MMP16: variants seen among roughly 807,000 people sequenced by gnomAD.
MMP16 encodes matrix metallopeptidase 16.
Under a neutral mutation model 67.8 loss-of-function variants are expected in MMP16, and 12 were observed. The observed-to-expected ratio is 0.18, with a 90% CI of 0.11 to 0.29. MMP16 has a LOEUF of 0.29. MMP16 is among the 10% of genes least tolerant of loss of function. The pLI, the probability that MMP16 is intolerant of heterozygous loss-of-function variation, is 1.00. For missense variants in MMP16, 475 were observed against 765.7 expected, an observed-to-expected ratio of 0.62 and a Z score of 4.48; for synonymous variants, 249 against 255.9, an observed-to-expected ratio of 0.97 and a Z score of 0.26.
intron 4 of MMP16, among the ~76,000 whole-genome samples, chr8:88,132,024 T>C (rs781189533): frequency 1.3e-5 from 2 of 151,854 alleles, no homozygotes; most frequent in African/African-American, 2.4e-5. Flanking sequence ...TGAAATTGCT[T>C]TGACTATTTT....
chr8:88,036,356 AGTTT>A lies in MMP16; in HGVS notation c.*5101_*5104del, dbSNP rs1808054068. The A allele has an allele frequency of 6.6e-6, 1 of 151,842 alleles. No individual in the cohort carries two copies. Among genetic ancestry groups the A allele is most frequent in the Non-Finnish European group, 1.5e-5 (1 of 67,824 alleles). 9.4% of individuals were successfully genotyped at this position (151,842 alleles called of 1,614,324 possible). ...CAGTTGTATTATCAAGGAGTGTTATAGTTTGTCTTTATATTTAACAAAAGACTCA... is the reference window on the plus strand; with the variant it reads ...CAGTTGTATTATCAAGGAGTGTTATAGTCTTTATATTTAACAAAAGACTCA... On this transcript the variant is annotated 3_prime_UTR_variant, in exon 10 of 10. Transcript: ENST00000286614.
chr8:88,212,023 C>T (rs553707246), intron 1 of MMP16, among the ~76,000 whole-genome samples: 1 of 141,810 alleles, frequency 7.1e-6, no homozygotes, highest in African/African-American at 2.7e-5. Context: ...TATGTTCACA[C>T]TGGCCCCACA....
intron 3 of MMP16, among the ~76,000 whole-genome samples, chr8:88,174,980 C>T (rs1161447688): frequency 1.3e-5 from 2 of 152,104 alleles, no homozygotes; most frequent in East Asian, 3.9e-4. Flanking sequence ...TCTCGAACTC[C>T]TGACCTCAAG....
At chr8:88,280,927 C>T (rs1426157657) in intron 1 of MMP16, among the ~76,000 whole-genome samples, 1 of 152,086 alleles carries the variant, frequency 6.6e-6, no homozygotes, top group Non-Finnish European at 1.5e-5. Context: ...TCCCAACAGT[C>T]CCATGATATC....
intron 6 of MMP16, among the ~76,000 whole-genome samples, chr8:88,076,842 A>G (rs759912252): frequency 3.9e-5 from 6 of 152,166 alleles, no homozygotes; most frequent in Non-Finnish European, 7.3e-5. Flanking sequence ...ACTGACCATG[A>G]CTATATATGA....
chr8:88,236,954 CCAT>C (rs1397194284), intron 1 of MMP16, among the ~76,000 whole-genome samples: 5 of 152,114 alleles, frequency 3.3e-5, no homozygotes, highest in African/African-American at 1.2e-4. Flanking sequence ...AATCATATGT[CCAT>C]ATAGTACTTC....
Position 88,041,306 on chromosome 8 carries a change from G to A in MMP16, c.*155C>T. On this transcript the variant is annotated 3_prime_UTR_variant, in exon 10 of 10. Coordinates refer to ENST00000286614, the MANE Select transcript of MMP16 (RefSeq NM_005941.5). This position sits in a 1 kb window ranked among gnomAD's most constrained non-coding sequence, Gnocchi z 6.0. The stretch of plus-strand genomic sequence containing the variant: ...TCCCCATGAGTGTATTTCCACTCAT[G>A]TGCAGGACCAGCAACCCTCTGGGTT... 2 of 676,460 alleles carry A rather than the reference G, an allele frequency of 3.0e-6. No individual in the cohort carries two copies. Among genetic ancestry groups the A allele is most frequent in the Non-Finnish European group, 5.1e-6 (2 of 389,374 alleles). The allele number at this position is 676,460 out of a possible 1,614,324, so 41.9% of individuals were successfully genotyped here.
At chr8:88,103,988 C>T (rs1809192100) in intron 6 of MMP16, among the ~76,000 whole-genome samples, 1 of 151,758 alleles carries the variant, frequency 6.6e-6, no homozygotes, top group South Asian at 2.1e-4. Flanking sequence ...TAATATTGTC[C>T]AAGGACATTT....
chr8:88,188,283 C>T (rs1485817680), intron 2 of MMP16, among the ~76,000 whole-genome samples: 1 of 151,974 alleles, frequency 6.6e-6, no homozygotes, highest in Non-Finnish European at 1.5e-5. Flanking sequence ...ATTATAGTCT[C>T]AAAAAATTAT....
At chr8:88,259,527 G>A (rs16880416) in intron 1 of MMP16, among the ~76,000 whole-genome samples, 1 of 151,546 alleles carries the variant, frequency 6.6e-6, no homozygotes, top group East Asian at 1.9e-4. Context: ...TAATTTAAAC[G>A]TGTGGGAAAT....
intron 1 of MMP16, among the ~76,000 whole-genome samples, chr8:88,252,168 C>T (rs1810235598): frequency 6.7e-6 from 1 of 149,832 alleles, no homozygotes; most frequent in Admixed American, 6.7e-5. Context: ...GACTATAAAT[C>T]ATGCTGCTAT....
At chr8:88,114,944 T>C (rs1003398717) in intron 6 of MMP16, among the ~76,000 whole-genome samples, 24 of 151,964 alleles carry the variant, frequency 1.6e-4, no homozygotes, top group Admixed American at 1.3e-4. Flanking sequence ...CAGGACCTTA[T>C]TTTGTTAGTC....
At chr8:88,163,646 A>G (rs1808667176) in intron 4 of MMP16, among the ~76,000 whole-genome samples, 1 of 152,078 alleles carries the variant, frequency 6.6e-6, no homozygotes, top group Non-Finnish European at 1.5e-5. Context: ...ATTAGGAAGA[A>G]TCTTTGTGAT....
intron 1 of MMP16, among the ~76,000 whole-genome samples, chr8:88,228,644 G>C (rs1297783904): frequency 6.6e-6 from 1 of 151,996 alleles, no homozygotes; most frequent in African/African-American, 2.4e-5. Context: ...ACATCTGAGA[G>C]TCTGTCTTAA....
At chr8:88,284,036 C>A (rs1810784986) in intron 1 of MMP16, among the ~76,000 whole-genome samples, 3 of 152,160 alleles carry the variant, frequency 2.0e-5, no homozygotes, top group East Asian at 1.9e-4. Context: ...TGTTTGCCCC[C>A]AAACATCATC....
chr8:88,087,177 C>T (rs2616512), intron 6 of MMP16, among the ~76,000 whole-genome samples: 149,556 of 151,918 alleles, frequency 0.98, 73,692 homozygotes, highest in East Asian at 1. Context: ...GATTATAAAT[C>T]ACTTAAATTA....
At position 88,167,986 on chromosome 8, in the gene MMP16, A is replaced by C; in HGVS notation, c.405-13T>G. The C allele has an allele frequency of 6.3e-7, 1 of 1,584,796 alleles. No individual in the cohort carries two copies. Among genetic ancestry groups the C allele is most frequent in the Non-Finnish European group, 8.6e-7 (1 of 1,163,758 alleles). On this transcript the variant is annotated splice_polypyrimidine_tract_variant and intron_variant, in intron 3 of 9. Transcript: ENST00000286614. ...TACGTTCTTTATACTGAAAGTTAGA[A>C]AATATAATCATCAGTATTGTTATGT...
chr8:88,197,603 T>A (rs187475504), intron 1 of MMP16, among the ~76,000 whole-genome samples: 1 of 152,268 alleles, frequency 6.6e-6, no homozygotes, highest in South Asian at 2.1e-4. Context: ...GGATAAAAAC[T>A]TAAGTAAGAT....
intron 1 of MMP16, among the ~76,000 whole-genome samples, chr8:88,215,242 A>G (rs1809571568): frequency 6.6e-6 from 1 of 151,976 alleles, no homozygotes; most frequent in South Asian, 2.1e-4. Context: ...AGGCAGCAGA[A>G]TTGCTTGAAC....
Sources: gnomAD v4.1 joint callset for allele counts (sites outside exome capture counted in the v4.1 genomes callset) on GRCh38, gnomAD v4.1.1 for gene constraint, Gnocchi (gnomAD v3.1) non-coding constraint, MANE v1.5 for transcripts, NCBI Gene and HGNC (gene_info 2026-07-23, HGNC 2026-07-21) for gene names.